OR2L5: variants seen among roughly 807,000 people sequenced by gnomAD.
OR2L5 encodes the protein olfactory receptor 2L5.
For synonymous variants in OR2L5, 169 were observed against 142.0 expected, an observed-to-expected ratio of 1.19 and a Z score of -1.35; for missense variants, 413 against 381.6, an observed-to-expected ratio of 1.08 and a Z score of -0.69.
intron 1 of OR2L5, among the ~76,000 whole-genome samples, chr1:248,021,404 G>A (rs954678375): frequency 1.3e-5 from 2 of 152,134 alleles, no homozygotes; most frequent in Middle Eastern, 3.2e-3. Context: ...TCTATAAGTA[G>A]TCCCCTCTTA....
Position 248,022,629 on chromosome 1 carries a change from C to A in OR2L5, c.682C>A (p.His228Asn). The A allele has an allele frequency of 4.3e-6, 7 of 1,614,112 alleles. No homozygotes were observed. Among genetic ancestry groups the A allele is most frequent in the Non-Finnish European group, 5.9e-6 (7 of 1,179,974 alleles). ...GWVLLAVYRM[H>N]SAEGRKKAYS... ...GGTTCTCCTTGCTGTCTACCGCATGCACTCTGCAGAAGGGAGGAAAAAGGC... is the reference window on the plus strand; with the variant it reads ...GGTTCTCCTTGCTGTCTACCGCATGAACTCTGCAGAAGGGAGGAAAAAGGC... The change falls in exon 2 of 2, where the codon CAC (histidine) becomes AAC (asparagine). Residue 228 changes from histidine (H) to asparagine (N), a missense_variant. Coordinates refer to ENST00000355281, the MANE Select transcript of OR2L5 (RefSeq NM_001258284.2).
rs985161462 is a variant in OR2L5 at position 248,021,935 on chromosome 1, G to T, written c.-13G>T. 6 of 1,599,480 alleles carry T rather than the reference G, an allele frequency of 3.8e-6. No homozygotes were observed. Among genetic ancestry groups the T allele is most frequent in the Non-Finnish European group, 5.1e-6 (6 of 1,169,366 alleles). The stretch of plus-strand genomic sequence containing the variant: ...CTTGTGTCTCCCTTCAGGAAGGATC[G>T]TATGAATGCCCCATGGAAAATTACA... On this transcript the variant is annotated 5_prime_UTR_variant, in exon 2 of 2. Coordinates refer to ENST00000355281, the MANE Select transcript of OR2L5 (RefSeq NM_001258284.2).
intron 1 of OR2L5, among the ~76,000 whole-genome samples, chr1:248,018,888 G>T (rs1054684341): frequency 2.6e-5 from 4 of 152,160 alleles, no homozygotes; most frequent in East Asian, 1.9e-4. Flanking sequence ...TCATGTAGGA[G>T]AATTCATACA....
rs751355028 is a variant in OR2L5, at chr1:248,022,407, A to G, written c.460A>G (p.Asn154Asp). ...ITGSWMIGSI[N>D]SCAHTVYAFR... The stretch of plus-strand genomic sequence containing the variant: ...AGGATCTTGGATGATAGGCTCCATC[A>G]ACTCTTGTGCTCACACAGTATATGC... The change falls in exon 2 of 2, where the codon AAC becomes GAC. Residue 154 changes from asparagine to aspartate, a missense_variant. Coordinates refer to ENST00000355281, the MANE Select transcript of OR2L5 (RefSeq NM_001258284.2). 95 of 1,614,036 alleles carry G rather than the reference A, an allele frequency of 5.9e-5. No homozygotes were observed. The Admixed American group carries it at 6.3e-4, about 11-fold the overall frequency.
rs937903064 is a variant in OR2L5, at chr1:248,023,051, T to C, written c.*165T>C. On this transcript the variant is annotated 3_prime_UTR_variant, in exon 2 of 2. Transcript: ENST00000355281. ...CATTATAGTTGCATATTCTAAGACA[T>C]CTATTTTGTTTCTGTTTGTGTTTCT... The C allele has an allele frequency of 8.1e-6, 5 of 614,626 alleles. No homozygotes were observed. The highest frequency in any genetic ancestry group is 1.8e-5 in the African/African-American group (1 of 54,206). 38.1% of individuals were successfully genotyped at this position (614,626 alleles called of 1,614,324 possible).
At chr1:248,016,160 G>GA (rs1220512369) in intron 1 of OR2L5, among the ~76,000 whole-genome samples, 3 of 152,078 alleles carry the variant, frequency 2.0e-5, no homozygotes, top group Admixed American at 1.3e-4. Flanking sequence ...TGAAGGATAG[G>GA]AAAAAATCTA....
intron 1 of OR2L5, among the ~76,000 whole-genome samples, chr1:248,015,445 G>T (rs1662174317): frequency 6.6e-6 from 1 of 152,120 alleles, no homozygotes; most frequent in Non-Finnish European, 1.5e-5. Context: ...CTATAGACAT[G>T]CAGATTCAGG....
At chr1:248,019,462 G>C (rs1301689399) in intron 1 of OR2L5, among the ~76,000 whole-genome samples, 1 of 152,120 alleles carries the variant, frequency 6.6e-6, no homozygotes, top group Non-Finnish European at 1.5e-5. Flanking sequence ...AGAGGCTGTA[G>C]AACTTCATTT....
At chr1:248,018,396 A>C (rs74153013) in intron 1 of OR2L5, among the ~76,000 whole-genome samples, 4,812 of 152,218 alleles carry the variant, frequency 0.032, 227 homozygotes, top group African/African-American at 0.11. Flanking sequence ...CCTATTCTAC[A>C]TGCTAATAAT....
Position 248,023,515 on chromosome 1 carries a change from C to G in OR2L5, c.*629C>G, listed in dbSNP as rs1367179126. The G allele has an allele frequency of 1.3e-5, 2 of 152,152 alleles. No individual in the cohort carries two copies. The highest frequency in any genetic ancestry group is 4.8e-5 in the African/African-American group (2 of 41,434). The allele number at this position is 152,152 out of a possible 1,614,324, so 9.4% of individuals were successfully genotyped here. A position where few individuals can be genotyped will look rare whatever the true frequency, so the allele number is the denominator to read the frequency against. ...TGGAGTAGGTTATTTGAACCATTCC[C>G]CAGTCACATCACAACACACACAATG... On this transcript the variant is annotated 3_prime_UTR_variant, in exon 2 of 2. Coordinates refer to ENST00000355281, the MANE Select transcript of OR2L5 (RefSeq NM_001258284.2).
In OR2L5 at chr1:248,022,560, T is replaced by G. The variant is rs1163918189; in HGVS notation, c.613T>G (p.Phe205Val). Residue 205 changes from phenylalanine (F) to valine (V), a missense_variant, in exon 2 of 2, where the codon TTT (phenylalanine) becomes GTT (valine). Phe to Val is a conservative substitution (Grantham distance 50). Transcript: ENST00000355281. ...CACAGTGTTTTTGAGCAGCACCATC[T>G]TTCTTGTGTTTCCCTTCACTGGCAT... is the stretch of plus-strand genomic sequence containing the variant. ...EYTVFLSSTI[F>V]LVFPFTGIAC... 1.2e-6 allele frequency: 2 copies of G among 1,614,092 alleles called. No homozygotes were observed. The highest frequency in any genetic ancestry group is 1.3e-5 in the African/African-American group (1 of 74,934).
rs763959394 is a variant in OR2L5 at position 248,021,920 on chromosome 1, C to G, written c.-21-7C>G. On this transcript the variant is annotated splice_region_variant and splice_polypyrimidine_tract_variant and intron_variant, in intron 1 of 1. Transcript: ENST00000355281. Reference sequence around the variant, plus strand: ...TGTACTTGACTTACCCTTGTGTCTCCCTTCAGGAAGGATCGTATGAATGCC... The same window carrying G: ...TGTACTTGACTTACCCTTGTGTCTCGCTTCAGGAAGGATCGTATGAATGCC... 4 of 1,569,528 alleles carry G rather than the reference C, an allele frequency of 2.5e-6. No homozygotes were observed. Among genetic ancestry groups the G allele is most frequent in the Admixed American group, 3.4e-5 (2 of 58,612 alleles).
chr1:248,021,990 G>T lies in OR2L5; in HGVS notation c.43G>T (p.Gly15Trp), dbSNP rs919493671. The T allele has an allele frequency of 6.2e-7, 1 of 1,613,612 alleles. No homozygotes were observed. The highest frequency in any genetic ancestry group is 1.3e-5 in the African/African-American group (1 of 74,850). The change falls in exon 2 of 2, where the codon GGG becomes TGG. Residue 15 changes from glycine to tryptophan, a missense_variant. Gly to Trp is a radical substitution (Grantham distance 184). Coordinates refer to ENST00000355281, the MANE Select transcript of OR2L5 (RefSeq NM_001258284.2). The part of the protein sequence containing the change: ...NQTSTDFILL[G>W]LFPPSKIGLF... ...AACGTCAACTGATTTCATCTTATTG[G>T]GGCTGTTCCCACCATCAAAAATTGG... is the stretch of plus-strand genomic sequence containing the variant.
chr1:248,017,411 T>A (rs1444964525), intron 1 of OR2L5, among the ~76,000 whole-genome samples: 1 of 152,128 alleles, frequency 6.6e-6, no homozygotes, highest in Non-Finnish European at 1.5e-5. Context: ...ACATGAATAA[T>A]CAAAGAGATG....
rs551526810 is a variant in OR2L5, at chr1:248,022,303, A to G, written c.356A>G (p.Tyr119Cys). Residue 119 changes from tyrosine to cysteine, a missense_variant, in exon 2 of 2, where the codon TAT becomes TGT. Physicochemically the swap from Tyr to Cys is radical, Grantham distance 194 (BLOSUM62 -2). Coordinates refer to ENST00000355281, the MANE Select transcript of OR2L5 (RefSeq NM_001258284.2). ...GCGCTGCTCCTGACATCAATGGCCT[A>G]TGATCGTTATGTGGCCATTTGCTTT... Reference protein sequence around the residue: ...AEALLLTSMAYDRYVAICFPL... With the variant: ...AEALLLTSMACDRYVAICFPL... 1.2e-6 allele frequency: 2 copies of G among 1,614,082 alleles called. No individual in the cohort carries two copies. Among genetic ancestry groups the G allele is most frequent in the Non-Finnish European group, 1.7e-6 (2 of 1,179,956 alleles).
At chr1:248,017,999 A>T (rs1420256172) in intron 1 of OR2L5, among the ~76,000 whole-genome samples, 1 of 151,888 alleles carries the variant, frequency 6.6e-6, no homozygotes, top group Non-Finnish European at 1.5e-5. Context: ...TGTATATATA[A>T]AAAAAATTAG....
At chr1:248,018,120 A>C (rs138133566) in intron 1 of OR2L5, among the ~76,000 whole-genome samples, 3 of 150,098 alleles carry the variant, frequency 2.0e-5, no homozygotes, top group Non-Finnish European at 4.4e-5. Context: ...ACACCACTGC[A>C]CTCCAGCCTA....
At chr1:248,016,579 T>A (rs1337246420) in intron 1 of OR2L5, among the ~76,000 whole-genome samples, 1 of 152,100 alleles carries the variant, frequency 6.6e-6, no homozygotes, top group African/African-American at 2.4e-5. Context: ...GATTATGTAT[T>A]TCAGTAAATT....
chr1:248,016,057 T>C (rs1662190387), intron 1 of OR2L5, among the ~76,000 whole-genome samples: 1 of 152,166 alleles, frequency 6.6e-6, no homozygotes, highest in Non-Finnish European at 1.5e-5. Context: ...TTCCTTATGA[T>C]AATGAGACTA....
Sources: allele counts gnomAD v4.1 joint callset (sites outside exome capture counted in the v4.1 genomes callset), GRCh38; gene constraint gnomAD v4.1.1; transcripts MANE v1.5; gene names NCBI Gene and HGNC (gene_info 2026-07-23, HGNC 2026-07-21).